The following COL23A1 variants were observed in gnomAD, a reference collection of about 807,000 sequenced individuals.
COL23A1 encodes the protein collagen alpha-1(XXIII) chain.
A neutral mutation model predicts 99.3 loss-of-function variants in COL23A1; 97 were observed. The ratio of observed to expected loss-of-function variants is 0.98; its 90% CI spans 0.83 to 1.16. COL23A1 has a LOEUF of 1.16. Among genes scored for constraint, COL23A1 ranks in the 50% most tolerant of loss-of-function variants. COL23A1 has a pLI of 0.00. For missense variants in COL23A1, 762 were observed against 757.4 expected, an observed-to-expected ratio of 1.01 and a Z score of -0.07; for synonymous variants, 320 against 308.2, an observed-to-expected ratio of 1.04 and a Z score of -0.40.
Position 178,334,408 on chromosome 5 carries a change from G to T in COL23A1, c.362-27489C>A, listed in dbSNP as rs566523024. Reference sequence around the variant, plus strand: ...ATGATTTCCGTTTGTGGGCAGGAAGGGGGCCACCGGGCGGCACCGGCCGGC... The same window carrying T: ...ATGATTTCCGTTTGTGGGCAGGAAGTGGGCCACCGGGCGGCACCGGCCGGC... On this transcript the variant is annotated intron_variant, in intron 2 of 28. Transcript: ENST00000390654. Among the ~76,000 whole-genome samples, 122 of 152,254 alleles carry T rather than the reference G, an allele frequency of 8.0e-4. 3 individuals carry two copies. The highest frequency in any genetic ancestry group is 7.1e-4 in the Non-Finnish European group (48 of 68,042).
chr5:178,509,720 C>A (rs1759094332), intron 2 of COL23A1, among the ~76,000 whole-genome samples: 1 of 152,160 alleles, frequency 6.6e-6, no homozygotes, highest in African/African-American at 2.4e-5. Context: ...ACAGCACCAT[C>A]CCACCACCGC....
intron 2 of COL23A1, among the ~76,000 whole-genome samples, chr5:178,341,077 G>C (rs1760631180): frequency 6.6e-6 from 1 of 152,216 alleles, no homozygotes; most frequent in African/African-American, 2.4e-5. Flanking sequence ...TGGTGGAGCA[G>C]GGCCTGGCTG....
intron 2 of COL23A1, among the ~76,000 whole-genome samples, chr5:178,333,575 G>C (rs2913791): frequency 6.6e-6 from 1 of 152,056 alleles, no homozygotes; most frequent in South Asian, 2.1e-4. Flanking sequence ...CTTTGTGAAA[G>C]GCATCCCCTG....
intron 2 of COL23A1, among the ~76,000 whole-genome samples, chr5:178,432,643 C>T (rs1256068142): frequency 6.6e-6 from 1 of 152,164 alleles, no homozygotes; most frequent in Admixed American, 6.5e-5. Context: ...CACCCTCCAA[C>T]TGAAGAGACT....
At chr5:178,508,544 C>T (rs1192151317) in intron 2 of COL23A1, among the ~76,000 whole-genome samples, 1 of 152,192 alleles carries the variant, frequency 6.6e-6, no homozygotes, top group Non-Finnish European at 1.5e-5. Context: ...CACTGTGTTG[C>T]TGTCACGTGG....
At position 178,239,135 on chromosome 5, in the gene COL23A1, C is replaced by CGTACA; in HGVS notation, c.1620+5_1620+6insTGTAC. 1 of 1,614,106 alleles carries CGTACA rather than the reference C, an allele frequency of 6.2e-7. No homozygotes were observed. Among genetic ancestry groups the CGTACA allele is most frequent in the Non-Finnish European group, 8.5e-7 (1 of 1,179,978 alleles). Reference sequence around the variant, plus strand: ...AGCCTGCCCTGGAGACTTCCCTGCACGGTACCTTATGCCAGCAGCCAGGCA... The same window carrying CGTACA: ...AGCCTGCCCTGGAGACTTCCCTGCACGTACAGGTACCTTATGCCAGCAGCCAGGCA... On this transcript the variant is annotated splice_donor_region_variant and intron_variant, in intron 28 of 28. Coordinates refer to ENST00000390654, the MANE Select transcript of COL23A1 (RefSeq NM_173465.4).
rs1380140219 is a variant in COL23A1, at chr5:178,358,615, A to ATGTATGTGTGTATGTGTCTAG, written c.362-51717_362-51697dup. On this transcript the variant is annotated intron_variant, in intron 2 of 28. Coordinates refer to ENST00000390654, the MANE Select transcript of COL23A1 (RefSeq NM_173465.4). ...TGTATGTGTATGTGTGTATGCGTGT[A>ATGTATGTGTGTATGTGTCTAG]TGTATGTGTGTATGTGTCTAGTGTG... Among the ~76,000 whole-genome samples, 8 of 107,650 alleles carry ATGTATGTGTGTATGTGTCTAG rather than the reference A, an allele frequency of 7.4e-5. No homozygotes were observed. The East Asian group carries it at 2.2e-3, about 30-fold the overall frequency. 70.6% of individuals were successfully genotyped at this position (107,650 alleles called of 152,430 possible). A position where few individuals can be genotyped will look rare whatever the true frequency, so the allele number is the denominator to read the frequency against.
chr5:178,263,238 T>C lies in COL23A1; in HGVS notation c.609A>G (p.Lys203=). Residue 203 remains lysine, a synonymous_variant, in exon 9 of 29, where the codon AAA becomes AAG. Transcript: ENST00000390654. ...GARGPPGDTG[K]DGPRGAQGPA... ...GGCCTTGTGCTCCCCTGGGGCCATC[T>C]TTCCCAGTGTCGCCAGGAGGGCCCC... is the stretch of plus-strand genomic sequence containing the variant. 1.9e-6 allele frequency: 3 copies of C among 1,613,752 alleles called. No individual in the cohort carries two copies. The highest frequency in any genetic ancestry group is 2.2e-5 in the South Asian group (2 of 91,068).
intron 2 of COL23A1, among the ~76,000 whole-genome samples, chr5:178,517,309 G>GA (rs1034517380): frequency 1.3e-5 from 2 of 152,110 alleles, no homozygotes; most frequent in Non-Finnish European, 2.9e-5. Flanking sequence ...TGTGAGAAAT[G>GA]AAAAAAGCAA....
At chr5:178,513,875 T>A (rs1001839219) in intron 2 of COL23A1, among the ~76,000 whole-genome samples, 3 of 152,164 alleles carry the variant, frequency 2.0e-5, no homozygotes, top group African/African-American at 4.8e-5. Context: ...AAAAATTATT[T>A]TTTTTAATTG....
chr5:178,494,267 T>C (rs1758081150), intron 2 of COL23A1, among the ~76,000 whole-genome samples: 1 of 152,148 alleles, frequency 6.6e-6, no homozygotes, highest in Non-Finnish European at 1.5e-5. Context: ...AGGAGACACT[T>C]GGAGAGACGA....
At chr5:178,587,649 C>A (rs1764068319) in intron 1 of COL23A1, among the ~76,000 whole-genome samples, 1 of 152,190 alleles carries the variant, frequency 6.6e-6, no homozygotes, top group South Asian at 2.1e-4. Context: ...TACAAATGTT[C>A]TTTTCTTCCG....
intron 2 of COL23A1, among the ~76,000 whole-genome samples, chr5:178,420,802 C>A (rs1765595361): frequency 6.7e-6 from 1 of 150,216 alleles, no homozygotes; most frequent in African/African-American, 2.5e-5. Flanking sequence ...GAGAAACTTG[C>A]TCCACTTTGG....
chr5:178,357,788 GTGTGTGTA>G (rs1561894726), intron 2 of COL23A1, among the ~76,000 whole-genome samples: 1 of 145,420 alleles, frequency 6.9e-6, no homozygotes. Flanking sequence ...ATGTGTATGT[GTGTGTGTA>G]TGTGTGTGTG....
rs1228863348 is a variant in COL23A1, at chr5:178,365,418, A to G, written c.362-58499T>C. ...CCCACTGGCCTCCTCCCTCCCGGAC[A>G]CTCACGCATTTCAGGTCTGACGGGT... is the stretch of plus-strand genomic sequence containing the variant. On this transcript the variant is annotated intron_variant, in intron 2 of 28. Coordinates refer to ENST00000390654, the MANE Select transcript of COL23A1 (RefSeq NM_173465.4). The surrounding 1 kb of genome is among the most constrained non-coding windows in gnomAD (Gnocchi z 5.2). Among the ~76,000 whole-genome samples, 6 of 151,832 alleles carry G rather than the reference A, an allele frequency of 4.0e-5. No homozygotes were observed. The highest frequency in any genetic ancestry group is 8.8e-5 in the Non-Finnish European group (6 of 67,936).
rs375274751 is a variant in COL23A1 at position 178,483,083 on chromosome 5, GA to G, written c.361+77598del. Among the ~76,000 whole-genome samples, 235 of 144,526 alleles carry G rather than the reference GA, an allele frequency of 1.6e-3. 1 individual carries two copies. The highest frequency in any genetic ancestry group is 5.2e-3 in the African/African-American group (206 of 39,358). The allele number at this position is 144,526 out of a possible 152,430, so 94.8% of individuals were successfully genotyped here. ...TAAGACTCTGTCTCGAAAAGAAAAAGAAAAAAAAAACTAAAATGTCATATTT... is the reference window on the plus strand; with the variant it reads ...TAAGACTCTGTCTCGAAAAGAAAAAGAAAAAAAAACTAAAATGTCATATTT... On this transcript the variant is annotated intron_variant, in intron 2 of 28. Coordinates refer to ENST00000390654, the MANE Select transcript of COL23A1 (RefSeq NM_173465.4).
intron 1 of COL23A1, among the ~76,000 whole-genome samples, chr5:178,583,521 C>T (rs1321270357): frequency 6.6e-6 from 1 of 152,168 alleles, no homozygotes. Context: ...CTGAGCCTCG[C>T]CCATCGAGAG....
chr5:178,254,650 C>T (rs4976753), intron 16 of COL23A1, among the ~76,000 whole-genome samples: 17,648 of 152,148 alleles, frequency 0.12, 1,281 homozygotes, highest in African/African-American at 0.19. Context: ...CAGGAGACAC[C>T]GGTGGGAACA....
At chr5:178,562,858 C>T (rs1434159772) in intron 1 of COL23A1, 1 of 152,016 alleles carries the variant, frequency 6.6e-6, no homozygotes, top group African/African-American at 2.4e-5. Flanking sequence ...TTACAAACCT[C>T]TAGCTAGCTA....
Sources: allele counts gnomAD v4.1 joint callset (sites outside exome capture counted in the v4.1 genomes callset), GRCh38; gene constraint gnomAD v4.1.1; non-coding constraint Gnocchi (gnomAD v3.1); transcripts MANE v1.5; gene names NCBI Gene and HGNC (gene_info 2026-07-23, HGNC 2026-07-21).